The following CA5B variants were observed in gnomAD, a reference collection of about 807,000 sequenced individuals.
CA5B encodes carbonic anhydrase 5B, mitochondrial.
Under a neutral mutation model 23.1 loss-of-function variants are expected in CA5B, and 15 were observed. The ratio of observed to expected loss-of-function variants is 0.65; its 90% CI spans 0.43 to 1.00. The LOEUF (loss-of-function observed/expected upper bound fraction) is 1.00, where lower values mean the gene tolerates loss of function less well. Among genes scored for constraint, CA5B ranks in the 50% least tolerant of loss-of-function variants. CA5B has a pLI of 0.00. For missense variants in CA5B, 236 were observed against 252.2 expected (o/e 0.94, Z 0.43); for synonymous variants, 84 against 98.5 (o/e 0.85, Z 0.87).
At chrX:15,777,699 G>A (rs1931957095) in intron 7 of CA5B, among the ~76,000 whole-genome samples, 1 of 112,211 alleles carries the variant, frequency 8.9e-6, no homozygotes, top group Admixed American at 9.5e-5. Context: ...CATTCTATCA[G>A]TGGATCTAAA....
At chrX:15,777,843 G>T (rs1931959357) in intron 7 of CA5B, among the ~76,000 whole-genome samples, 1 of 112,089 alleles carries the variant, frequency 8.9e-6, no homozygotes, top group Admixed American at 9.5e-5. Flanking sequence ...ATTGATCTCA[G>T]TTCAAAAGCA....
chrX:15,758,411 G>A (rs900087033), intron 2 of CA5B, among the ~76,000 whole-genome samples: 3 of 112,435 alleles, frequency 2.7e-5, no homozygotes, highest in African/African-American at 9.7e-5. Context: ...CTCTGCCTTC[G>A]TGACTATGTC....
In CA5B at chrX:15,758,714, G is replaced by A. The variant is rs774496879; in HGVS notation, c.143-5864G>A. On this transcript the variant is annotated intron_variant, in intron 2 of 7. Coordinates refer to ENST00000318636, the MANE Select transcript of CA5B (RefSeq NM_007220.4). ...CAAGAAATGGTGTCTCCCCATGTTG[G>A]CCAGGCTGGTCTCAAACTACTGACC... Among the ~76,000 whole-genome samples, 16 of 110,971 alleles carry A rather than the reference G, an allele frequency of 1.4e-4. No individual in the cohort carries two copies. In the South Asian group the frequency reaches 4.2e-3, roughly 29 times the overall value.
In CA5B at chrX:15,749,958, C is replaced by T; in HGVS notation, c.-53-13C>T. 1.7e-6 allele frequency: 2 copies of T among 1,171,416 alleles called. No individual in the cohort carries two copies. Among genetic ancestry groups the T allele is most frequent in the Non-Finnish European group, 2.3e-6 (2 of 868,582 alleles). On this transcript the variant is annotated splice_polypyrimidine_tract_variant and intron_variant, in intron 1 of 7. Coordinates refer to ENST00000318636, the MANE Select transcript of CA5B (RefSeq NM_007220.4). ...TGTTTACAGCTTTCCCTCCTCTGCC[C>T]TCATCCCTCTAGATTATTAAGTTCC...
Position 15,783,803 on chromosome X carries a change from A to AAAAAG in CA5B, c.*1154_*1158dup, listed in dbSNP as rs1207337151. 2.8e-5 allele frequency: 3 copies of AAAAAG among 108,775 alleles called. No homozygotes were observed. Among genetic ancestry groups the AAAAAG allele is most frequent in the Non-Finnish European group, 3.8e-5 (2 of 52,321 alleles). The allele number at this position is 108,775 out of a possible 1,213,427, so 9.0% of individuals were successfully genotyped here. The stretch of plus-strand genomic sequence containing the variant: ...GAGACTCTGTGTCTAATAAAAAAAA[A>AAAAAG]AAAAGAAAAGAAAAGAAAAAATGCT... On this transcript the variant is annotated 3_prime_UTR_variant, in exon 8 of 8. Coordinates refer to ENST00000318636, the MANE Select transcript of CA5B (RefSeq NM_007220.4).
intron 2 of CA5B, 70 bp downstream of exon 2, chrX:15,750,235 C>A: frequency 1.1e-6 from 1 of 888,018 alleles, no homozygotes; most frequent in Non-Finnish European, 1.6e-6. Context: ...AATCTCATCT[C>A]TTAGAAAAAA....
At chrX:15,769,697 C>A in intron 3 of CA5B, 1 of 449,189 alleles carries the variant, frequency 2.2e-6, no homozygotes, top group Non-Finnish European at 2.8e-6. Flanking sequence ...AACACACACA[C>A]ACACAGTTTA....
rs759092334 is a variant in CA5B at position 15,782,795 on chromosome X, G to A, written c.*131G>A. ...GATGTGCATTTCTTAGCATGAGAGTGCTTCATCAGTCTTTGAGGAAGGCTA... is the reference window on the plus strand; with the variant it reads ...GATGTGCATTTCTTAGCATGAGAGTACTTCATCAGTCTTTGAGGAAGGCTA... On this transcript the variant is annotated 3_prime_UTR_variant, in exon 8 of 8. Transcript: ENST00000318636. 6.2e-6 allele frequency: 3 copies of A among 482,915 alleles called. No individual in the cohort carries two copies. Among genetic ancestry groups the A allele is most frequent in the Non-Finnish European group, 1.0e-5 (3 of 300,676 alleles). 39.8% of individuals were successfully genotyped at this position (482,915 alleles called of 1,213,427 possible). A position where few individuals can be genotyped will look rare whatever the true frequency, so the allele number is the denominator to read the frequency against.
At chrX:15,758,600 G>A (rs958623335) in intron 2 of CA5B, among the ~76,000 whole-genome samples, 3 of 111,340 alleles carry the variant, frequency 2.7e-5, no homozygotes, top group African/African-American at 6.5e-5. Context: ...TCCGCCTCCC[G>A]GGTTCAAGAG....
chrX:15,765,003 C>G (rs1225487578), intron 3 of CA5B: 1 of 429,788 alleles, frequency 2.3e-6, no homozygotes, highest in Non-Finnish European at 3.9e-6. Context: ...ATATCTCTAT[C>G]TCTCTATGTA....
intron 2 of CA5B, among the ~76,000 whole-genome samples, chrX:15,762,005 C>T (rs1224525931): frequency 2.7e-5 from 3 of 111,918 alleles, no homozygotes; most frequent in Non-Finnish European, 5.6e-5. Flanking sequence ...CAGTGGTTTG[C>T]GCCTGTAATC....
In CA5B at chrX:15,749,993, A is replaced by T; in HGVS notation, c.-31A>T. Reference sequence around the variant, plus strand: ...TAGATTATTAAGTTCCTGCAACTTAACTGGGAACTGATCAAGATTTCAAGC... The same window carrying T: ...TAGATTATTAAGTTCCTGCAACTTATCTGGGAACTGATCAAGATTTCAAGC... On this transcript the variant is annotated 5_prime_UTR_variant, in exon 2 of 8. Transcript: ENST00000318636. 2.5e-6 allele frequency: 3 copies of T among 1,206,729 alleles called. No individual in the cohort carries two copies. The highest frequency in any genetic ancestry group is 2.2e-5 in the Admixed American group (1 of 45,416).
intron 3 of CA5B, chrX:15,765,218 T>C (rs1328954824): frequency 1.4e-5 from 2 of 139,982 alleles, no homozygotes; most frequent in Non-Finnish European, 2.5e-5. Flanking sequence ...AGGATATTCA[T>C]GTGTGCATTA....
rs1486913913 is a variant in CA5B, at chrX:15,787,338, TAAG to T, written c.*4677_*4679del. 8.9e-6 allele frequency: 1 copy of T among 111,904 alleles called. No homozygotes were observed. Among genetic ancestry groups the T allele is most frequent in the Non-Finnish European group, 1.9e-5 (1 of 53,158 alleles). The allele number at this position is 111,904 out of a possible 1,213,427, so 9.2% of individuals were successfully genotyped here. On this transcript the variant is annotated 3_prime_UTR_variant, in exon 8 of 8. Coordinates refer to ENST00000318636, the MANE Select transcript of CA5B (RefSeq NM_007220.4). ...TCCCAGTGCATTCTACAGTTATTCT[TAAG>T]AACTACAAGCAAGGAAGAAGGGAGA...
chrX:15,773,523 T>A (rs1931861931), intron 4 of CA5B, among the ~76,000 whole-genome samples: 2 of 106,486 alleles, frequency 1.9e-5, no homozygotes, highest in Admixed American at 2.0e-4. Flanking sequence ...CATTCTCCTG[T>A]CTCAGCCCCC....
rs186720728 is a variant in CA5B, at chrX:15,773,783, G to T, written c.460-519G>T. On this transcript the variant is annotated intron_variant, in intron 4 of 7. Transcript: ENST00000318636. ...CGTCCAGGCTGGTCTCATACTGCTG[G>T]ATTCAAGTGATTCTCCCACCTTGAC... 2.5e-3 allele frequency among the ~76,000 whole-genome samples: 275 copies of T among 111,040 alleles called. 1 individual carries two copies. The highest frequency in any genetic ancestry group is 8.6e-3 in the African/African-American group (263 of 30,571).
intron 3 of CA5B, among the ~76,000 whole-genome samples, chrX:15,771,610 T>TA (rs1320938037): frequency 5.7e-5 from 6 of 104,654 alleles, no homozygotes; most frequent in Non-Finnish European, 7.8e-5. Flanking sequence ...TTTTTTTTTT[T>TA]AATTTTTAGT....
In CA5B at chrX:15,774,267, A is replaced by G. The variant is rs763726743; in HGVS notation, c.460-35A>G. On this transcript the variant is annotated intron_variant, in intron 4 of 7. Transcript: ENST00000318636. ...GGTTTATTCTGGAGAGATTCTGTAT[A>G]GTCACGTGTTAACCCTCTTTTCATG... 1.0e-5 allele frequency: 12 copies of G among 1,178,150 alleles called. 2 individuals are homozygous for G. In the South Asian group the frequency reaches 1.7e-4, roughly 16 times the overall value.
At chrX:15,744,817 G>A (rs994077842) in intron 1 of CA5B, among the ~76,000 whole-genome samples, 5 of 110,551 alleles carry the variant, frequency 4.5e-5, no homozygotes, top group South Asian at 7.6e-4. Flanking sequence ...GAGCCCCTGC[G>A]CCACATATTC....
Sources: gnomAD v4.1 joint callset for allele counts (sites outside exome capture counted in the v4.1 genomes callset) on GRCh38, gnomAD v4.1.1 for gene constraint, MANE v1.5 for transcripts, NCBI Gene and HGNC (gene_info 2026-07-23, HGNC 2026-07-21) for gene names.